ITGB6: variants seen among roughly 807,000 people sequenced by gnomAD.
ITGB6 encodes the protein integrin beta-6.
ITGB6 carries 80 observed loss-of-function variants against 84.5 expected under a neutral mutation model. The ratio of observed to expected loss-of-function variants is 0.95; its 90% CI spans 0.79 to 1.14. The LOEUF (loss-of-function observed/expected upper bound fraction) is 1.14, where lower values mean the gene tolerates loss of function less well. Among genes scored for constraint, ITGB6 ranks in the 50% most tolerant of loss-of-function variants. ITGB6 has a pLI of 0.00. For synonymous variants in ITGB6, 383 were observed against 354.9 expected, an observed-to-expected ratio of 1.08 and a Z score of -0.89; for missense variants, 1,006 against 968.0, an observed-to-expected ratio of 1.04 and a Z score of -0.52.
At chr2:160,130,510 T>A (rs1041594421) in intron 10 of ITGB6, among the ~76,000 whole-genome samples, 1 of 152,192 alleles carries the variant, frequency 6.6e-6, no homozygotes, top group African/African-American at 2.4e-5. Context: ...TCACACCATC[T>A]TAAAGTGTGT....
At position 160,123,887 on chromosome 2, in the gene ITGB6, T is replaced by C. The variant is rs574352340; in HGVS notation, c.1885A>G (p.Ser629Gly). ...GCTGACAGGTGGCACTCAATGCAGC[T>C]CCTGTGGACAGTATCCAACAGTGTA... The part of the protein sequence containing the change: ...TCGDPCNSKR[S>G]CIECHLSAAG... The change falls in exon 12 of 15, where the codon AGC (serine) becomes GGC (glycine). Residue 629 changes from serine to glycine, a missense_variant and splice_region_variant. Transcript: ENST00000283249. 5 of 1,611,846 alleles carry C rather than the reference T, an allele frequency of 3.1e-6. No homozygotes were observed. Among genetic ancestry groups the C allele is most frequent in the South Asian group, 1.1e-5 (1 of 90,984 alleles).
intron 4 of ITGB6, among the ~76,000 whole-genome samples, chr2:160,175,573 C>A (rs146445055): frequency 6.6e-6 from 1 of 152,274 alleles, no homozygotes; most frequent in Non-Finnish European, 1.5e-5. Context: ...GATGGTTTCA[C>A]TGTTTAAAAT....
In ITGB6 at chr2:160,174,119, A is replaced by G; in HGVS notation, c.614T>C (p.Leu205Ser). ...AATGTGCTTGAATCCAAATGTAGGT[A>G]AACAGAAGTATGGAATACTACTGCA... ...NPCSSIPYFC[L>S]PTFGFKHILP... is the part of the protein sequence containing the mutation. Residue 205 changes from leucine to serine, a missense_variant, in exon 5 of 15, where the codon TTA (leucine) becomes TCA (serine). Leu to Ser is a moderately radical substitution (Grantham distance 145, BLOSUM62 -2). Coordinates refer to ENST00000283249, the MANE Select transcript of ITGB6 (RefSeq NM_000888.5). 2 of 1,608,894 alleles carry G rather than the reference A, an allele frequency of 1.2e-6. No individual in the cohort carries two copies. Among genetic ancestry groups the G allele is most frequent in the Non-Finnish European group, 1.7e-6 (2 of 1,178,524 alleles).
At chr2:160,171,436 A>G (rs1378874609) in intron 6 of ITGB6, among the ~76,000 whole-genome samples, 2 of 149,182 alleles carry the variant, frequency 1.3e-5, no homozygotes, top group South Asian at 2.1e-4. Context: ...CTGGGTTCAC[A>G]CCATTCTCCT....
At chr2:160,146,388 C>T (rs774877449) in intron 7 of ITGB6, among the ~76,000 whole-genome samples, 2 of 152,124 alleles carry the variant, frequency 1.3e-5, no homozygotes, top group Non-Finnish European at 2.9e-5. Context: ...CTTTATGAAG[C>T]CTCACTAATG....
At chr2:160,182,598 A>G (rs993708688) in intron 4 of ITGB6, among the ~76,000 whole-genome samples, 22 of 152,218 alleles carry the variant, frequency 1.4e-4, no homozygotes, top group African/African-American at 4.6e-4. Context: ...AACTTCCCCA[A>G]CACAGCAAGG....
In ITGB6 at chr2:160,195,606, T is replaced by C; in HGVS notation, c.356A>G (p.Gln119Arg). The stretch of plus-strand genomic sequence containing the variant: ...CTGGCGGACATGCACCTGCAGAGTC[T>C]GCGCACCACCTGCAAAGCCCAACAG... ...LILKLRPGGA[Q>R]TLQVHVRQTE... Residue 119 changes from glutamine to arginine, a missense_variant, in exon 4 of 15, where the codon CAG (glutamine) becomes CGG (arginine). By Grantham distance (43) the Gln-to-Arg change is conservative. Transcript: ENST00000283249. The C allele has an allele frequency of 6.2e-7, 1 of 1,613,998 alleles. No homozygotes were observed.
intron 8 of ITGB6, among the ~76,000 whole-genome samples, chr2:160,141,071 C>G (rs764565650): frequency 6.6e-6 from 1 of 151,812 alleles, no homozygotes; most frequent in African/African-American, 2.4e-5. Flanking sequence ...TACAGATGGG[C>G]CTTTTTTTTT....
intron 4 of ITGB6, among the ~76,000 whole-genome samples, chr2:160,174,519 T>C (rs1685337649): frequency 6.6e-6 from 1 of 152,308 alleles, no homozygotes; most frequent in East Asian, 1.9e-4. Flanking sequence ...CAGGCTGTCA[T>C]CAAGTGTGAA....
intron 4 of ITGB6, among the ~76,000 whole-genome samples, chr2:160,177,542 G>T (rs1685477445): frequency 6.6e-6 from 1 of 151,404 alleles, no homozygotes; most frequent in South Asian, 2.1e-4. Context: ...CTGCACTCCA[G>T]CCTGGGCGAT....
chr2:160,180,384 C>A (rs535287755), intron 4 of ITGB6, among the ~76,000 whole-genome samples: 1 of 152,286 alleles, frequency 6.6e-6, no homozygotes, highest in South Asian at 2.1e-4. Context: ...AGGGCTTAAG[C>A]AATCCTCCAG....
chr2:160,138,284 A>G, intron 8 of ITGB6, 85 bp from the exon 9 acceptor site: 3 of 1,328,618 alleles, frequency 2.3e-6, no homozygotes, highest in Non-Finnish European at 3.0e-6. Flanking sequence ...TGTTCATTGA[A>G]CTACAAATAA....
At position 160,200,069 on chromosome 2, in the gene ITGB6, T is replaced by C. The variant is rs749610669; in HGVS notation, c.-6A>G. On this transcript the variant is annotated 5_prime_UTR_variant, in exon 1 of 15. Coordinates refer to ENST00000283249, the MANE Select transcript of ITGB6 (RefSeq NM_000888.5). ...CAAAGCAGTTCAATCCCCATTCGTTTCAGTTCTTGCTGTGCAGACCGATTA... is the reference window on the plus strand; with the variant it reads ...CAAAGCAGTTCAATCCCCATTCGTTCCAGTTCTTGCTGTGCAGACCGATTA... 18 of 1,613,528 alleles carry C rather than the reference T, an allele frequency of 1.1e-5. 1 individual carries two copies. In the South Asian group the frequency reaches 2.0e-4, roughly 18 times the overall value.
At chr2:160,148,413 AAAAC>A (rs1295813065) in intron 7 of ITGB6, among the ~76,000 whole-genome samples, 1 of 152,220 alleles carries the variant, frequency 6.6e-6, no homozygotes, top group Non-Finnish European at 1.5e-5. Context: ...CTTGCAAAAC[AAAAC>A]AAACACTTAC....
chr2:160,131,842 C>T (rs971139956), intron 10 of ITGB6, among the ~76,000 whole-genome samples: 9 of 152,162 alleles, frequency 5.9e-5, no homozygotes, highest in African/African-American at 1.7e-4. Flanking sequence ...TTCCTAGCTA[C>T]AATCCACAGA....
intron 8 of ITGB6, among the ~76,000 whole-genome samples, chr2:160,141,214 G>T (rs555224520): frequency 6.6e-5 from 10 of 151,790 alleles, no homozygotes; most frequent in African/African-American, 1.5e-4. Flanking sequence ...CTAATTTAGG[G>T]CTTCTTCTTT....
At position 160,150,733 on chromosome 2, in the gene ITGB6, A is replaced by G. The variant is rs879394975; in HGVS notation, c.1018-8662T>C. Among the ~76,000 whole-genome samples, 109 of 152,302 alleles carry G rather than the reference A, an allele frequency of 7.2e-4. 1 individual carries two copies. The highest frequency in any genetic ancestry group is 8.3e-4 in the South Asian group (4 of 4,830). The stretch of plus-strand genomic sequence containing the variant: ...ACATTTCACGTGCAAAGATGCATAT[A>G]GGCTCAAAATAAAGGGATGGAGGAA... On this transcript the variant is annotated intron_variant, in intron 7 of 14. Transcript: ENST00000283249.
intron 2 of ITGB6, among the ~76,000 whole-genome samples, chr2:160,196,681 GTGTGTGTGTGTGTC>G (rs995350750): frequency 2.6e-5 from 4 of 151,706 alleles, no homozygotes; most frequent in East Asian, 1.9e-4. Flanking sequence ...ACAATTGCAT[GTGTGTGTGTGTGTC>G]TGTGTGTGTG....
rs774648746 is a variant in ITGB6 at position 160,126,414 on chromosome 2, T to C, written c.1848A>G (p.Arg616=). ...NPGASGPTCE[R]CPTCGDPCNS... ...TACAGGGGTCACCACAGGTAGGACA[T>C]CGTTCACAGGTTGGTCCTGAGGCTC... Residue 616 remains arginine, a synonymous_variant, in exon 11 of 15, where the codon CGA becomes CGG. Transcript: ENST00000283249. The C allele has an allele frequency of 1.9e-6, 3 of 1,614,192 alleles. No homozygotes were observed. The highest frequency in any genetic ancestry group is 2.5e-6 in the Non-Finnish European group (3 of 1,180,000).
Sources: gnomAD v4.1 joint callset for allele counts (sites outside exome capture counted in the v4.1 genomes callset) on GRCh38, gnomAD v4.1.1 for gene constraint, MANE v1.5 for transcripts, NCBI Gene and HGNC (gene_info 2026-07-23, HGNC 2026-07-21) for gene names.